The following MECOM variants were observed in gnomAD, a reference collection of about 807,000 sequenced individuals.
MECOM encodes histone-lysine N-methyltransferase MECOM.
In MECOM, 13 loss-of-function variants were observed where a neutral mutation model predicts 116.3. The ratio of observed to expected loss-of-function variants is 0.11; its 90% CI spans 0.07 to 0.18. The LOEUF is 0.18. Among genes scored for constraint, MECOM ranks in the 10% least tolerant of loss-of-function variants. The pLI, the probability that MECOM is intolerant of heterozygous loss-of-function variation, is 1.00. For missense variants in MECOM, 1,299 were observed against 1,509.0 expected, an observed-to-expected ratio of 0.86 and a Z score of 2.31; for synonymous variants, 528 against 535.2, an observed-to-expected ratio of 0.99 and a Z score of 0.19.
At chr3:169,421,563 T>C (rs1288450775) in intron 1 of MECOM, among the ~76,000 whole-genome samples, 2 of 152,152 alleles carry the variant, frequency 1.3e-5, no homozygotes, top group Admixed American at 6.6e-5. Context: ...CTTCTTGCTT[T>C]CCTTTGATCT....
intron 1 of MECOM, among the ~76,000 whole-genome samples, chr3:169,417,007 G>C (rs1424490532): frequency 2.6e-5 from 4 of 152,042 alleles, no homozygotes; most frequent in Non-Finnish European, 5.9e-5. Context: ...AAAAACCCTA[G>C]AAGAAAACCT....
intron 1 of MECOM, among the ~76,000 whole-genome samples, chr3:169,628,980 C>G (rs1360948930): frequency 6.6e-6 from 1 of 152,036 alleles, no homozygotes; most frequent in Non-Finnish European, 1.5e-5. Flanking sequence ...ACTAGAGTAC[C>G]TCTCAAGCAA....
chr3:169,250,974 G>A (rs1486450406), intron 2 of MECOM, among the ~76,000 whole-genome samples: 1 of 152,284 alleles, frequency 6.6e-6, no homozygotes, highest in East Asian at 1.9e-4. Context: ...TTGCTAAAAT[G>A]TTGAACAGGT....
chr3:169,648,456 A>G (rs1774452144), intron 1 of MECOM, among the ~76,000 whole-genome samples: 2 of 152,244 alleles, frequency 1.3e-5, no homozygotes, highest in Non-Finnish European at 2.9e-5. Context: ...TCATGGGTCA[A>G]ACCACGGTCT....
intron 1 of MECOM, among the ~76,000 whole-genome samples, chr3:169,468,383 A>G: frequency 6.6e-6 from 1 of 152,124 alleles, no homozygotes; most frequent in African/African-American, 2.4e-5. Flanking sequence ...TTAATTCTTC[A>G]CAGCACTAAT....
Position 169,102,243 on chromosome 3 carries a change from C to A in MECOM, c.2605-17G>T. On this transcript the variant is annotated splice_polypyrimidine_tract_variant and intron_variant, in intron 10 of 16. Transcript: ENST00000651503. ...AGCTGACATCTGAAAGGTAAAAGCACAAGACCATGAAGCGTTTGGCATCTT... is the reference window on the plus strand; with the variant it reads ...AGCTGACATCTGAAAGGTAAAAGCAAAAGACCATGAAGCGTTTGGCATCTT... 1 of 1,605,832 alleles carries A rather than the reference C, an allele frequency of 6.2e-7. No individual in the cohort carries two copies. Among genetic ancestry groups the A allele is most frequent in the African/African-American group, 1.3e-5 (1 of 74,764 alleles).
chr3:169,499,581 T>C (rs560779772), intron 1 of MECOM, among the ~76,000 whole-genome samples: 26 of 150,494 alleles, frequency 1.7e-4, no homozygotes, highest in Non-Finnish European at 5.9e-5. Flanking sequence ...GGAGCTATCT[T>C]GGAAAGAAAT....
chr3:169,121,582 T>A (rs73167929), intron 6 of MECOM, among the ~76,000 whole-genome samples: 9,566 of 152,242 alleles, frequency 0.063, 443 homozygotes, highest in South Asian at 0.2. Context: ...AGACACATTG[T>A]GTACAAAAAT....
Position 169,528,930 on chromosome 3 carries a change from A to G in MECOM, c.37+134406T>C, listed in dbSNP as rs12638671. ...TGTTGGAACTTGACTAAAACAACAA[A>G]TAATCTTTAAGAGCATCTCTTAAAT... On this transcript the variant is annotated intron_variant, in intron 1 of 16. Transcript: ENST00000651503. Among the ~76,000 whole-genome samples the G allele has an allele frequency of 9.8e-5, 15 of 152,366 alleles. No individual in the cohort carries two copies. The East Asian group carries it at 2.9e-3, about 29-fold the overall frequency.
At chr3:169,128,219 C>A (rs1733552813) in intron 4 of MECOM, among the ~76,000 whole-genome samples, 159 bp from the exon 5 acceptor site, 1 of 152,202 alleles carries the variant, frequency 6.6e-6, no homozygotes, top group East Asian at 1.9e-4. Context: ...TGTAAAGAAC[C>A]AAGGACAGAG....
At chr3:169,430,712 T>C (rs1177802842) in intron 1 of MECOM, among the ~76,000 whole-genome samples, 1 of 152,238 alleles carries the variant, frequency 6.6e-6, no homozygotes. Context: ...CCTTTGCCTT[T>C]GCCTCCTTTA....
At chr3:169,382,849 C>CAAAAAAAAAAAAAAAAAAAA (rs1157852145) in intron 1 of MECOM, among the ~76,000 whole-genome samples, 5 of 47,160 alleles carry the variant, frequency 1.1e-4, no homozygotes, top group East Asian at 2.1e-3. Flanking sequence ...AAGCCCATCT[C>CAAAAAAAAAAAAAAAAAAAA]AAAAAAAAAA....
chr3:169,152,327 C>G (rs1188759591), intron 2 of MECOM, among the ~76,000 whole-genome samples: 3 of 151,666 alleles, frequency 2.0e-5, no homozygotes, highest in African/African-American at 7.3e-5. Flanking sequence ...AAAAAATTTC[C>G]CTTGGTCTGG....
At chr3:169,532,183 G>A (rs1758727602) in intron 1 of MECOM, among the ~76,000 whole-genome samples, 2 of 152,318 alleles carry the variant, frequency 1.3e-5, no homozygotes, top group South Asian at 2.1e-4. Flanking sequence ...AGTTTGGTGA[G>A]CTGCCCCATG....
intron 2 of MECOM, among the ~76,000 whole-genome samples, chr3:169,199,900 G>A (rs1353380085): frequency 2.6e-5 from 4 of 152,014 alleles, no homozygotes; most frequent in Admixed American, 6.6e-5. Context: ...AAATATCTGA[G>A]TATATCTGTA....
intron 1 of MECOM, among the ~76,000 whole-genome samples, chr3:169,463,419 G>A (rs1747782186): frequency 6.6e-6 from 1 of 152,126 alleles, no homozygotes; most frequent in South Asian, 2.1e-4. Context: ...TGTACAAAAT[G>A]GAGCTTGGCA....
At chr3:169,308,358 G>T (rs1198919764) in intron 2 of MECOM, among the ~76,000 whole-genome samples, 1 of 152,182 alleles carries the variant, frequency 6.6e-6, no homozygotes, top group Non-Finnish European at 1.5e-5. Context: ...TACAGATACA[G>T]TGAGACATAT....
At chr3:169,097,712 A>G (rs1400798607) in intron 12 of MECOM, among the ~76,000 whole-genome samples, 2 of 151,112 alleles carry the variant, frequency 1.3e-5, no homozygotes, top group Non-Finnish European at 2.9e-5. Context: ...TGCCTATACT[A>G]TAATCCCTTC....
chr3:169,511,864 C>T (rs546745555), intron 1 of MECOM, among the ~76,000 whole-genome samples: 4 of 152,210 alleles, frequency 2.6e-5, no homozygotes, highest in African/African-American at 9.6e-5. Context: ...TCTATAATTT[C>T]CCCCATCAGC....
Sources: gnomAD v4.1 joint callset for allele counts (sites outside exome capture counted in the v4.1 genomes callset) on GRCh38, gnomAD v4.1.1 for gene constraint, MANE v1.5 for transcripts, NCBI Gene and HGNC (gene_info 2026-07-23, HGNC 2026-07-21) for gene names.